Variants in TRIO observed in about 807,000 individuals in gnomAD.
TRIO encodes trio Rho guanine nucleotide exchange factor.
Under a neutral mutation model 351.9 loss-of-function variants are expected in TRIO, and 58 were observed. That is an observed-to-expected ratio of 0.16 (90% CI 0.13 to 0.21). The LOEUF is 0.21. TRIO is among the 10% of genes least tolerant of loss of function. The pLI, the probability that TRIO is intolerant of heterozygous loss-of-function variation, is 1.00. For missense variants in TRIO, 3,201 were observed against 4,027.8 expected, an observed-to-expected ratio of 0.79 and a Z score of 5.56; for synonymous variants, 1,758 against 1,595.7, an observed-to-expected ratio of 1.10 and a Z score of -2.42.
At chr5:14,321,818 G>T (rs575714715) in intron 9 of TRIO, among the ~76,000 whole-genome samples, 1 of 152,244 alleles carries the variant, frequency 6.6e-6, no homozygotes, top group South Asian at 2.1e-4. Context: ...TACTGTTCTC[G>T]TGATAGTGAA....
At chr5:14,446,825 G>T (rs1752477213) in intron 34 of TRIO, among the ~76,000 whole-genome samples, 1 of 152,120 alleles carries the variant, frequency 6.6e-6, no homozygotes, top group Non-Finnish European at 1.5e-5. Context: ...TTGCTTTGTG[G>T]TTTATTGGGG....
chr5:14,227,711 G>A (rs1301891831), intron 1 of TRIO, among the ~76,000 whole-genome samples: 1 of 152,176 alleles, frequency 6.6e-6, no homozygotes, highest in Non-Finnish European at 1.5e-5. Context: ...TAGATATGAT[G>A]CAATTGCATC....
intron 43 of TRIO, 58 bp downstream of exon 43, chr5:14,480,069 A>G (rs1755399001): frequency 6.6e-7 from 1 of 1,523,042 alleles, no homozygotes; most frequent in East Asian, 2.3e-5. Flanking sequence ...AGAAAATAAG[A>G]CTCAGTTGGG....
At chr5:14,295,812 C>A (rs543950086) in intron 6 of TRIO, among the ~76,000 whole-genome samples, 2 of 152,322 alleles carry the variant, frequency 1.3e-5, no homozygotes, top group Non-Finnish European at 2.9e-5. Context: ...TTGACTGTTG[C>A]AGCCTCTTTC....
intron 1 of TRIO, among the ~76,000 whole-genome samples, chr5:14,164,526 C>CG (rs1187620311): frequency 1.3e-5 from 2 of 152,070 alleles, no homozygotes; most frequent in East Asian, 3.8e-4. Flanking sequence ...TTCAAGAATC[C>CG]GATTTTCATT....
At chr5:14,207,202 G>A (rs1791508964) in intron 1 of TRIO, among the ~76,000 whole-genome samples, 1 of 151,608 alleles carries the variant, frequency 6.6e-6, no homozygotes, top group Admixed American at 6.6e-5. Flanking sequence ...GGCTGAGGTG[G>A]GAGGTTGGCT....
intron 13 of TRIO, among the ~76,000 whole-genome samples, chr5:14,361,856 G>A (rs1189417012): frequency 1.3e-5 from 2 of 152,110 alleles, no homozygotes; most frequent in Non-Finnish European, 2.9e-5. Context: ...GGTGGCTCAC[G>A]CCTATAATCC....
chr5:14,460,397 T>C (rs73061688), intron 34 of TRIO, among the ~76,000 whole-genome samples: 2 of 152,132 alleles, frequency 1.3e-5, no homozygotes, highest in Admixed American at 6.5e-5. Context: ...TCTGCCACTT[T>C]CCAGTCGCCG....
chr5:14,503,009 C>T (rs926006813), intron 54 of TRIO, among the ~76,000 whole-genome samples: 2 of 152,234 alleles, frequency 1.3e-5, no homozygotes, highest in African/African-American at 2.4e-5. Context: ...GTGCCCTTCA[C>T]GTTTCATTTG....
At chr5:14,436,975 C>T (rs1751635586) in intron 34 of TRIO, among the ~76,000 whole-genome samples, 1 of 152,182 alleles carries the variant, frequency 6.6e-6, no homozygotes, top group Non-Finnish European at 1.5e-5. Context: ...GCCCTCTTCT[C>T]ACAGCTCCAC....
At chr5:14,200,221 T>C (rs113601210) in intron 1 of TRIO, among the ~76,000 whole-genome samples, 82 of 152,214 alleles carry the variant, frequency 5.4e-4, no homozygotes, top group African/African-American at 1.9e-3. Context: ...CTGCCATCCA[T>C]TATATGCCTC....
At chr5:14,389,188 C>G (rs1008757844) in intron 24 of TRIO, 101 bp from the exon 25 acceptor site, 6 of 871,378 alleles carry the variant, frequency 6.9e-6, no homozygotes, top group Non-Finnish European at 1.0e-5. Flanking sequence ...GTTATACTTT[C>G]ACTTATACAT....
Position 14,492,652 on chromosome 5 carries a change from A to G in TRIO, c.7718A>G (p.Tyr2573Cys), listed in dbSNP as rs764400338. The G allele has an allele frequency of 6.2e-7, 1 of 1,614,236 alleles. No homozygotes were observed. Among genetic ancestry groups the G allele is most frequent in the South Asian group, 1.1e-5 (1 of 91,084 alleles). The part of the protein sequence containing the change: ...TAVKEDEINV[Y>C]QGEVVQILAS... ...GTGAAGGAGGATGAGATCAACGTCTACCAAGGAGAGGTCGTTCAAATTCTG... is the reference window on the plus strand; with the variant it reads ...GTGAAGGAGGATGAGATCAACGTCTGCCAAGGAGAGGTCGTTCAAATTCTG... The change falls in exon 49 of 57, where the codon TAC (tyrosine) becomes TGC (cysteine). Residue 2573 changes from tyrosine to cysteine, a missense_variant. Coordinates refer to ENST00000344204, the MANE Select transcript of TRIO (RefSeq NM_007118.4).
chr5:14,351,351 C>T (rs914575711), intron 11 of TRIO, among the ~76,000 whole-genome samples: 3 of 152,206 alleles, frequency 2.0e-5, no homozygotes, highest in East Asian at 1.9e-4. Context: ...ATTTTATGTG[C>T]ATAGTGGTTG....
intron 1 of TRIO, among the ~76,000 whole-genome samples, chr5:14,233,563 T>C (rs906120313): frequency 1.1e-4 from 16 of 151,950 alleles, no homozygotes; most frequent in Non-Finnish European, 8.8e-5. Context: ...CTTTCTTCCT[T>C]CTCTTATTAT....
At chr5:14,326,217 G>A (rs1472373201) in intron 9 of TRIO, among the ~76,000 whole-genome samples, 8 of 152,224 alleles carry the variant, frequency 5.3e-5, no homozygotes, top group Non-Finnish European at 8.8e-5. Context: ...TAGGTCAGGG[G>A]CTGCTTCCAC....
intron 48 of TRIO, among the ~76,000 whole-genome samples, chr5:14,489,725 C>T (rs921052379): frequency 5.3e-5 from 8 of 152,184 alleles, no homozygotes; most frequent in Non-Finnish European, 7.3e-5. Flanking sequence ...CATGAGAAGA[C>T]ATGAAAAATG....
intron 2 of TRIO, among the ~76,000 whole-genome samples, chr5:14,277,606 A>G (rs1735651423): frequency 6.6e-6 from 1 of 152,228 alleles, no homozygotes; most frequent in Non-Finnish European, 1.5e-5. Flanking sequence ...TGAAGTTTTT[A>G]TGAACTGCAG....
At chr5:14,147,284 G>T (rs563571080) in intron 1 of TRIO, among the ~76,000 whole-genome samples, 1 of 152,150 alleles carries the variant, frequency 6.6e-6, no homozygotes, top group Non-Finnish European at 1.5e-5. Flanking sequence ...TAGAGTCAGG[G>T]CCCTGGTCCC....
Sources: allele counts gnomAD v4.1 joint callset (sites outside exome capture counted in the v4.1 genomes callset), GRCh38; gene constraint gnomAD v4.1.1; transcripts MANE v1.5; gene names NCBI Gene and HGNC (gene_info 2026-07-23, HGNC 2026-07-21).